ERICH3: variants seen among roughly 807,000 people sequenced by gnomAD.
ERICH3 encodes the protein glutamate rich 3.
In ERICH3, 126 loss-of-function variants were observed where a neutral mutation model predicts 131.1. The ratio of observed to expected loss-of-function variants is 0.96; its 90% CI spans 0.83 to 1.11. The LOEUF is 1.11. ERICH3 is among the 50% of genes most tolerant of loss of function. The pLI is 0.00. For synonymous variants in ERICH3, 695 were observed against 644.6 expected (o/e 1.08, Z -1.18); for missense variants, 2,050 against 1,810.7 (o/e 1.13, Z -2.40).
rs752483212 is a variant in ERICH3, at chr1:74,589,710, C to T, written c.2097G>A (p.Lys699=). 1 of 1,614,100 alleles carries T rather than the reference C, an allele frequency of 6.2e-7. No homozygotes were observed. The highest frequency in any genetic ancestry group is 8.5e-7 in the Non-Finnish European group (1 of 1,179,984). The change falls in exon 12 of 15, where the codon AAG becomes AAA. Residue 699 remains lysine (K), a synonymous_variant. Coordinates refer to ENST00000326665, the MANE Select transcript of ERICH3 (RefSeq NM_001002912.5). ...GKHVSAEEKE[K]DKSKLWEEST... Reference sequence around the variant, plus strand: ...TTTCTTCCCAAAGCTTACTCTTATCCTTTTCCTTTTCTTCTGCAGAAACAT... The same window carrying T: ...TTTCTTCCCAAAGCTTACTCTTATCTTTTTCCTTTTCTTCTGCAGAAACAT...
intron 10 of ERICH3, among the ~76,000 whole-genome samples, chr1:74,603,712 C>T (rs1648256388): frequency 6.6e-6 from 1 of 151,836 alleles, no homozygotes; most frequent in African/African-American, 2.4e-5. Context: ...TTCTACTATG[C>T]TGCTGTCTGT....
intron 7 of ERICH3, among the ~76,000 whole-genome samples, chr1:74,629,936 G>A (rs1273564418): frequency 6.6e-6 from 1 of 152,084 alleles, no homozygotes; most frequent in Non-Finnish European, 1.5e-5. Flanking sequence ...GATGGGGCAG[G>A]AAAAAGGGGG....
intron 11 of ERICH3, among the ~76,000 whole-genome samples, chr1:74,596,278 C>T (rs1270000910): frequency 6.6e-6 from 1 of 151,926 alleles, no homozygotes; most frequent in Non-Finnish European, 1.5e-5. Context: ...ACTTCAATCT[C>T]AATCTGTCTA....
intron 4 of ERICH3, among the ~76,000 whole-genome samples, 163 bp downstream of exon 4, chr1:74,642,864 T>A (rs940476153): frequency 1.3e-5 from 2 of 152,174 alleles, no homozygotes; most frequent in Admixed American, 6.6e-5. Flanking sequence ...CAATCTTCTG[T>A]AATGATGATG....
At chr1:74,579,149 A>G (rs772634178) in intron 12 of ERICH3, among the ~76,000 whole-genome samples, 7 of 152,170 alleles carry the variant, frequency 4.6e-5, no homozygotes, top group Admixed American at 3.3e-4. Flanking sequence ...TTTTACTATA[A>G]TAATGTGAAT....
chr1:74,659,380 C>A (rs1646618840), intron 1 of ERICH3, among the ~76,000 whole-genome samples: 1 of 152,144 alleles, frequency 6.6e-6, no homozygotes, highest in African/African-American at 2.4e-5. Context: ...TTCCAAAACC[C>A]CCCGTTGGAA....
intron 7 of ERICH3, chr1:74,623,478 G>A (rs1234109166): frequency 6.6e-6 from 1 of 152,082 alleles, no homozygotes; most frequent in East Asian, 1.9e-4. Flanking sequence ...TCTTCTTCAC[G>A]AAGCCCTGGT....
intron 7 of ERICH3, chr1:74,624,885 C>G (rs1270624163): frequency 6.6e-6 from 1 of 151,654 alleles, no homozygotes; most frequent in African/African-American, 2.4e-5. Context: ...CCTGCCTCAG[C>G]CTCCTTGATA....
chr1:74,599,395 G>A (rs185694141), intron 11 of ERICH3, among the ~76,000 whole-genome samples: 5 of 151,986 alleles, frequency 3.3e-5, no homozygotes, highest in African/African-American at 9.6e-5. Flanking sequence ...TGGACACATA[G>A]TGGGGAACAA....
intron 5 of ERICH3, among the ~76,000 whole-genome samples, chr1:74,639,826 A>T (rs1275022667): frequency 6.6e-6 from 1 of 152,216 alleles, no homozygotes; most frequent in Non-Finnish European, 1.5e-5. Flanking sequence ...CAATGGCAAG[A>T]TCTCAAAAGG....
rs763153068 is a variant in ERICH3, at chr1:74,576,978, C to G, written c.2177-42G>C. On this transcript the variant is annotated intron_variant, in intron 12 of 14. Coordinates refer to ENST00000326665, the MANE Select transcript of ERICH3 (RefSeq NM_001002912.5). ...AAAAGAAAAAAAAGGTCAAATGAAT[C>G]ACTGTGAAATGTACCATGGTTCTCC... is the stretch of plus-strand genomic sequence containing the variant. The G allele has an allele frequency of 1.3e-5, 20 of 1,535,732 alleles. No homozygotes were observed. The Admixed American group carries it at 3.8e-4, about 29-fold the overall frequency.
chr1:74,631,548 C>T (rs1386964135), intron 7 of ERICH3, among the ~76,000 whole-genome samples, 165 bp downstream of exon 7: 1 of 152,048 alleles, frequency 6.6e-6, no homozygotes, highest in Non-Finnish European at 1.5e-5. Context: ...ATTACTCAAG[C>T]CTGTGGTTTC....
chr1:74,571,074 A>G (rs1646933441), intron 14 of ERICH3, 25 bp downstream of exon 14: 4 of 1,581,024 alleles, frequency 2.5e-6, no homozygotes, highest in African/African-American at 1.3e-5. Context: ...ATTTAGTCCT[A>G]CAAAGACATT....
chr1:74,652,678 G>A (rs538572463), intron 1 of ERICH3, among the ~76,000 whole-genome samples: 3 of 151,952 alleles, frequency 2.0e-5, no homozygotes, highest in East Asian at 1.9e-4. Flanking sequence ...CTTCCTGGTC[G>A]TGCTGCTTCA....
chr1:74,596,102 T>A (rs1299898749), intron 11 of ERICH3, among the ~76,000 whole-genome samples: 3 of 152,082 alleles, frequency 2.0e-5, no homozygotes, highest in Admixed American at 1.3e-4. Context: ...TTAAGTAGAA[T>A]ATTACTGTGA....
intron 7 of ERICH3, 105 bp from the exon 8 acceptor site, chr1:74,621,019 T>G: frequency 1.1e-6 from 1 of 916,728 alleles, no homozygotes; most frequent in Non-Finnish European, 1.5e-6. Flanking sequence ...TTTAAGTACC[T>G]ACCAACAAAA....
intron 12 of ERICH3, among the ~76,000 whole-genome samples, chr1:74,588,159 C>T (rs1200794860): frequency 1.3e-5 from 2 of 152,214 alleles, no homozygotes; most frequent in Non-Finnish European, 1.5e-5. Flanking sequence ...CTATCTAAAA[C>T]ACCTTTATCC....
At chr1:74,654,298 A>G (rs624666) in intron 1 of ERICH3, among the ~76,000 whole-genome samples, 1,921 of 152,044 alleles carry the variant, frequency 0.013, 33 homozygotes, top group African/African-American at 0.043. Context: ...ATTTTTAGAT[A>G]TGTATATCCT....
At chr1:74,579,941 T>C (rs1241403602) in intron 12 of ERICH3, 5 of 939,668 alleles carry the variant, frequency 5.3e-6, no homozygotes, top group Non-Finnish European at 6.3e-6. Context: ...AATGATATAA[T>C]GATACTTTAA....
Sources: gnomAD v4.1 joint callset for allele counts (sites outside exome capture counted in the v4.1 genomes callset) on GRCh38, gnomAD v4.1.1 for gene constraint, MANE v1.5 for transcripts, NCBI Gene and HGNC (gene_info 2026-07-23, HGNC 2026-07-21) for gene names.